The following FRMD5 variants were observed in gnomAD, a reference collection of about 807,000 sequenced individuals.
FRMD5 encodes the protein FERM domain-containing protein 5.
A neutral mutation model predicts 69.0 loss-of-function variants in FRMD5; 20 were observed. That is an observed-to-expected ratio of 0.29 (90% CI 0.20 to 0.42). The LOEUF is 0.42. FRMD5 is among the 10% of genes least tolerant of loss of function. FRMD5 has a pLI of 1.00. For missense variants in FRMD5, 595 were observed against 708.6 expected (o/e 0.84, Z 1.82); for synonymous variants, 271 against 260.1 (o/e 1.04, Z -0.40).
At chr15:43,904,041 C>T (rs996886146) in intron 6 of FRMD5, among the ~76,000 whole-genome samples, 1 of 152,110 alleles carries the variant, frequency 6.6e-6, no homozygotes, top group Non-Finnish European at 1.5e-5. Context: ...GGGAGAGGGG[C>T]GGGAAGCATC....
chr15:43,949,626 A>C (rs1020189900), intron 1 of FRMD5, among the ~76,000 whole-genome samples: 1 of 152,210 alleles, frequency 6.6e-6, no homozygotes, highest in African/African-American at 2.4e-5. Flanking sequence ...CTTGTACGAC[A>C]CTAGAGTTGT....
At chr15:44,184,160 C>G (rs192630324) in intron 1 of FRMD5, among the ~76,000 whole-genome samples, 2 of 152,076 alleles carry the variant, frequency 1.3e-5, no homozygotes, top group African/African-American at 4.8e-5. Flanking sequence ...ACTCTAACTT[C>G]GGCTGTCTAA....
chr15:44,154,512 T>G (rs965307972), intron 1 of FRMD5, among the ~76,000 whole-genome samples: 10 of 152,330 alleles, frequency 6.6e-5, no homozygotes, highest in African/African-American at 2.4e-4. Context: ...TGCAACAGTA[T>G]AAAATAGTTA....
intron 1 of FRMD5, among the ~76,000 whole-genome samples, chr15:43,968,202 G>A (rs2090324472): frequency 6.6e-6 from 1 of 151,994 alleles, no homozygotes; most frequent in Non-Finnish European, 1.5e-5. Flanking sequence ...TATCTCATCT[G>A]TACCCCAACC....
intron 1 of FRMD5, among the ~76,000 whole-genome samples, chr15:44,107,205 G>A (rs1322850335): frequency 6.6e-6 from 1 of 152,184 alleles, no homozygotes; most frequent in Non-Finnish European, 1.5e-5. Context: ...TAAAGGAAGG[G>A]AAGGGGGATA....
chr15:43,880,458 C>A (rs763486797), intron 13 of FRMD5, among the ~76,000 whole-genome samples: 20 of 152,160 alleles, frequency 1.3e-4, no homozygotes, highest in Admixed American at 2.6e-4. Flanking sequence ...AGACGTTGCA[C>A]CTGAACTCTC....
At chr15:43,897,953 C>CT (rs58680044) in intron 7 of FRMD5, among the ~76,000 whole-genome samples, 18,365 of 152,116 alleles carry the variant, frequency 0.12, 2,853 homozygotes, top group African/African-American at 0.36. Context: ...TAAGACATGC[C>CT]TGCTTCCCCT....
chr15:44,148,273 T>C (rs1015505721), intron 1 of FRMD5, among the ~76,000 whole-genome samples: 1 of 152,098 alleles, frequency 6.6e-6, no homozygotes, highest in Non-Finnish European at 1.5e-5. Flanking sequence ...TTCACAGATA[T>C]TACTTTTTTT....
intron 13 of FRMD5, among the ~76,000 whole-genome samples, chr15:43,876,850 A>G (rs912335641): frequency 6.6e-6 from 1 of 152,202 alleles, no homozygotes; most frequent in African/African-American, 2.4e-5. Context: ...TTCAGAGCAC[A>G]AAACAGTTTG....
intron 1 of FRMD5, among the ~76,000 whole-genome samples, chr15:44,022,351 G>T (rs1891244064): frequency 6.6e-6 from 1 of 151,462 alleles, no homozygotes; most frequent in Admixed American, 6.6e-5. Flanking sequence ...GATCACTTGA[G>T]GCCAGGAGTT....
At chr15:44,174,297 T>G (rs558677548) in intron 1 of FRMD5, among the ~76,000 whole-genome samples, 2 of 152,150 alleles carry the variant, frequency 1.3e-5, no homozygotes, top group Non-Finnish European at 2.9e-5. Context: ...AAACTTACTC[T>G]AACCATTATG....
rs1413603954 is a variant in FRMD5, at chr15:43,872,360, A to G, written c.*1525T>C. The G allele has an allele frequency of 1.3e-5, 2 of 152,192 alleles. No individual in the cohort carries two copies. Among genetic ancestry groups the G allele is most frequent in the Non-Finnish European group, 2.9e-5 (2 of 68,044 alleles). The allele number at this position is 152,192 out of a possible 1,614,324, so 9.4% of individuals were successfully genotyped here. A position where few individuals can be genotyped will look rare whatever the true frequency, so the allele number is the denominator to read the frequency against. Reference sequence around the variant, plus strand: ...GCGTTTGGGGCTGTCCAATTAGGGTATCAGCAGCTGCTCTACTTTTGTGTG... The same window carrying G: ...GCGTTTGGGGCTGTCCAATTAGGGTGTCAGCAGCTGCTCTACTTTTGTGTG... On this transcript the variant is annotated 3_prime_UTR_variant, in exon 14 of 14. Coordinates refer to ENST00000417257, the MANE Select transcript of FRMD5 (RefSeq NM_032892.5).
intron 1 of FRMD5, among the ~76,000 whole-genome samples, chr15:44,190,622 C>T (rs560416558): frequency 2.9e-4 from 44 of 152,244 alleles, no homozygotes; most frequent in Admixed American, 1.6e-3. Context: ...ACCTCAAAGA[C>T]CTCATAAATA....
intron 1 of FRMD5, among the ~76,000 whole-genome samples, chr15:44,088,630 C>A (rs943597528): frequency 6.6e-6 from 1 of 152,112 alleles, no homozygotes; most frequent in Admixed American, 6.6e-5. Context: ...GTACTCAGGA[C>A]TGAAGTTAAG....
intron 1 of FRMD5, among the ~76,000 whole-genome samples, chr15:44,006,953 T>C (rs903667675): frequency 6.6e-6 from 1 of 152,182 alleles, no homozygotes; most frequent in African/African-American, 2.4e-5. Context: ...GTGGGTAAAA[T>C]GCAGTTAAAC....
intron 1 of FRMD5, among the ~76,000 whole-genome samples, chr15:43,976,456 A>G (rs1384262704): frequency 1.3e-5 from 2 of 152,182 alleles, no homozygotes; most frequent in East Asian, 3.8e-4. Flanking sequence ...AAGCAACGCA[A>G]TTTTTTTAAA....
At chr15:44,080,216 A>T (rs189292194) in intron 1 of FRMD5, among the ~76,000 whole-genome samples, 10 of 152,250 alleles carry the variant, frequency 6.6e-5, no homozygotes, top group Admixed American at 3.9e-4. Context: ...TTCCAAACCC[A>T]ATTTTAAATT....
chr15:44,146,395 A>G lies in FRMD5; in HGVS notation c.102+48558T>C, dbSNP rs538615366. Among the ~76,000 whole-genome samples the G allele has an allele frequency of 2.0e-5, 3 of 152,278 alleles. 1 individual carries two copies. The highest frequency in any genetic ancestry group is 7.2e-5 in the African/African-American group (3 of 41,548). On this transcript the variant is annotated intron_variant, in intron 1 of 13. Transcript: ENST00000417257. Reference sequence around the variant, plus strand: ...TGTACCACATTTTATCCAGTCTATCATTGATGGGCATTTGGGTTGATTCCA... The same window carrying G: ...TGTACCACATTTTATCCAGTCTATCGTTGATGGGCATTTGGGTTGATTCCA...
chr15:43,940,087 C>T (rs2089836190), intron 1 of FRMD5, among the ~76,000 whole-genome samples: 1 of 152,150 alleles, frequency 6.6e-6, no homozygotes, highest in Non-Finnish European at 1.5e-5. Flanking sequence ...TGCGGAGAGA[C>T]AATCACTTGA....
Sources: allele counts gnomAD v4.1 joint callset (sites outside exome capture counted in the v4.1 genomes callset), GRCh38; gene constraint gnomAD v4.1.1; transcripts MANE v1.5; gene names NCBI Gene and HGNC (gene_info 2026-07-23, HGNC 2026-07-21).